Variants in SENP7 observed in about 807,000 individuals in gnomAD.
SENP7 encodes sentrin-specific protease 7.
In SENP7, 64 loss-of-function variants were observed where a neutral mutation model predicts 141.2. The observed-to-expected ratio is 0.45, with a 90% CI of 0.37 to 0.56. The LOEUF (loss-of-function observed/expected upper bound fraction) is 0.56. SENP7 is among the 20% of genes least tolerant of loss of function. The probability of loss-of-function intolerance (pLI) is 0.00; values close to 1 mark genes in which losing one functional copy is unlikely to be tolerated. For synonymous variants in SENP7, 382 were observed against 426.4 expected (o/e 0.90, Z 1.28); for missense variants, 1,025 against 1,212.2 (o/e 0.85, Z 2.29).
In SENP7 at chr3:101,372,027, T is replaced by C; in HGVS notation, c.777A>G (p.Ile259Met). Reference sequence around the variant, plus strand: ...ACAAACCTTCAGGCTGAGTATCAGATATTAAAAGAGAAATGCCATCATCCT... The same window carrying C: ...ACAAACCTTCAGGCTGAGTATCAGACATTAAAAGAGAAATGCCATCATCCT... ...RRKDDGISLL[I>M]SDTQPEDLNS... Residue 259 changes from isoleucine (I) to methionine (M), a missense_variant, in exon 7 of 24, where the codon ATA (isoleucine) becomes ATG (methionine). Ile to Met is a conservative substitution (Grantham distance 10). Around this residue, in one of 4 missense-constraint regions of SENP7, gnomAD observed 496 missense variants for 503.5 expected, o/e 0.99. Transcript: ENST00000394095. 6.5e-7 allele frequency: 1 copy of C among 1,548,162 alleles called. No individual in the cohort carries two copies. Among genetic ancestry groups the C allele is most frequent in the Non-Finnish European group, 8.8e-7 (1 of 1,136,218 alleles).
At chr3:101,428,789 T>C (rs1476607513) in intron 4 of SENP7, among the ~76,000 whole-genome samples, 1 of 152,346 alleles carries the variant, frequency 6.6e-6, no homozygotes, top group Middle Eastern at 3.4e-3. Flanking sequence ...CTGAATGATA[T>C]TGCCTAGGTT....
At chr3:101,355,698 T>C (rs2059723276) in intron 11 of SENP7, among the ~76,000 whole-genome samples, 1 of 151,890 alleles carries the variant, frequency 6.6e-6, no homozygotes, top group African/African-American at 2.4e-5. Flanking sequence ...ATCAGGCCTC[T>C]TTTTTTTGGC....
intron 17 of SENP7, among the ~76,000 whole-genome samples, chr3:101,335,323 T>A (rs1166432416): frequency 6.6e-6 from 1 of 152,174 alleles, no homozygotes; most frequent in South Asian, 2.1e-4. Flanking sequence ...TTCTCAACAC[T>A]AGTAGTTAGA....
rs1263082593 is a variant in SENP7 at position 101,324,495 on chromosome 3, A to AC, written c.*1447dup. The AC allele has an allele frequency of 6.6e-6, 1 of 151,970 alleles. No homozygotes were observed. The highest frequency in any genetic ancestry group is 2.4e-5 in the African/African-American group (1 of 41,408). The allele number at this position is 151,970 out of a possible 1,614,324, so 9.4% of individuals were successfully genotyped here. A position where few individuals can be genotyped will look rare whatever the true frequency, so the allele number is the denominator to read the frequency against. The stretch of plus-strand genomic sequence containing the variant: ...CAAAACAATAGTCACCTTTAAAAGT[A>AC]CCCCCCAACACACACAAATTGGGAA... On this transcript the variant is annotated 3_prime_UTR_variant, in exon 24 of 24. Coordinates refer to ENST00000394095, the MANE Select transcript of SENP7 (RefSeq NM_020654.5).
chr3:101,397,994 T>A (rs2061019483), intron 6 of SENP7, among the ~76,000 whole-genome samples: 1 of 152,220 alleles, frequency 6.6e-6, no homozygotes, highest in Non-Finnish European at 1.5e-5. Context: ...CAACTTCAGA[T>A]CTGCATTTCT....
At chr3:101,335,627 C>T (rs987659926) in intron 17 of SENP7, among the ~76,000 whole-genome samples, 1 of 151,858 alleles carries the variant, frequency 6.6e-6, no homozygotes, top group African/African-American at 2.4e-5. Flanking sequence ...TTTTGAAAAG[C>T]TTACTAATAC....
chr3:101,413,746 T>C (rs1296397729), intron 5 of SENP7, among the ~76,000 whole-genome samples: 1 of 146,326 alleles, frequency 6.8e-6, no homozygotes. Context: ...AGGGGGGGGA[T>C]AGTTTCCAAG....
intron 6 of SENP7, among the ~76,000 whole-genome samples, chr3:101,391,358 A>C (rs78138108): frequency 1.4e-5 from 2 of 142,442 alleles, no homozygotes; most frequent in South Asian, 2.2e-4. Flanking sequence ...AAAAAAAAAA[A>C]CAAGAAAGAA....
rs1465208717 is a variant in SENP7, at chr3:101,374,280, C to T, written c.678-2154G>A. ...CAAAAGGAAGAAGTTGGACAGTTAT[C>T]TAACACCATCTACAAAAATTAACTC... On this transcript the variant is annotated intron_variant, in intron 6 of 23. Coordinates refer to ENST00000394095, the MANE Select transcript of SENP7 (RefSeq NM_020654.5). Among the ~76,000 whole-genome samples the T allele has an allele frequency of 2.6e-5, 4 of 152,128 alleles. No homozygotes were observed. The East Asian group carries it at 7.7e-4, about 29-fold the overall frequency.
intron 5 of SENP7, among the ~76,000 whole-genome samples, chr3:101,414,929 A>G (rs2061567337): frequency 6.6e-6 from 1 of 152,190 alleles, no homozygotes; most frequent in African/African-American, 2.4e-5. Flanking sequence ...AACAGGCCAG[A>G]GCCCTCCAAC....
chr3:101,418,959 C>A (rs1255684400), intron 4 of SENP7, among the ~76,000 whole-genome samples: 22 of 152,140 alleles, frequency 1.4e-4, no homozygotes, highest in Admixed American at 1.4e-3. Flanking sequence ...CAGCTACAAA[C>A]AAAATAGTTG....
At chr3:101,359,873 T>C (rs946113441) in intron 11 of SENP7, among the ~76,000 whole-genome samples, 3 of 151,942 alleles carry the variant, frequency 2.0e-5, no homozygotes, top group Admixed American at 6.6e-5. Context: ...TTGATCTTGG[T>C]TTTTGAGCAT....
chr3:101,414,373 T>C, intron 5 of SENP7: 3 of 845,806 alleles, frequency 3.5e-6, no homozygotes, highest in Non-Finnish European at 6.2e-6. Context: ...GGTGCACCAG[T>C]GCATCAAGCA....
rs2061004399 is a variant in SENP7 at position 101,397,520 on chromosome 3, A to AT, written c.677+1340dup. ...ACTGAATAATGCCACTGAAATTCTC[A>AT]TTTTGGGGGGAAAACTTAGCAAGAG... On this transcript the variant is annotated intron_variant, in intron 6 of 23. Coordinates refer to ENST00000394095, the MANE Select transcript of SENP7 (RefSeq NM_020654.5). Among the ~76,000 whole-genome samples the AT allele has an allele frequency of 3.3e-5, 5 of 152,338 alleles. No homozygotes were observed. The Middle Eastern group carries it at 0.01, about 311-fold the overall frequency.
intron 4 of SENP7, among the ~76,000 whole-genome samples, chr3:101,453,655 G>A (rs1186326712): frequency 1.3e-5 from 2 of 150,030 alleles, no homozygotes; most frequent in African/African-American, 4.9e-5. Context: ...TCATAGGTGG[G>A]AATTGAACAA....
Position 101,365,011 on chromosome 3 carries a change from T to A in SENP7, c.1319-20A>T. ...CAACAACTAAAACGGAAAAGAAAAATGTATTTTTGTTTATTTATTTATTTA... is the reference window on the plus strand; with the variant it reads ...CAACAACTAAAACGGAAAAGAAAAAAGTATTTTTGTTTATTTATTTATTTA... On this transcript the variant is annotated intron_variant, in intron 9 of 23. Transcript: ENST00000394095. 1 of 1,417,708 alleles carries A rather than the reference T, an allele frequency of 7.1e-7. No individual in the cohort carries two copies. 87.8% of individuals were successfully genotyped at this position (1,417,708 alleles called of 1,614,324 possible).
intron 6 of SENP7, among the ~76,000 whole-genome samples, chr3:101,392,842 G>A (rs1050974022): frequency 2.6e-5 from 4 of 152,098 alleles, no homozygotes; most frequent in Non-Finnish European, 5.9e-5. Context: ...AAAATAGCTG[G>A]GTGTGGTGGT....
chr3:101,507,829 C>A (rs1232386726), intron 1 of SENP7, among the ~76,000 whole-genome samples: 1 of 151,276 alleles, frequency 6.6e-6, no homozygotes, highest in African/African-American at 2.4e-5. Flanking sequence ...GGCAGGTGGA[C>A]CATGATATCA....
chr3:101,513,208 GAAAGGAAAAAAAAAAAAA>G, exon 1 of SENP7: 4 of 261,580 alleles, frequency 1.5e-5, no homozygotes, highest in Non-Finnish European at 2.7e-5. Context: ...AGGGGGAGGG[GAAAGGAAAAAAAAAAAAA>G]AAAAAAAAAA....
Sources: allele counts gnomAD v4.1 joint callset (sites outside exome capture counted in the v4.1 genomes callset), GRCh38; gene constraint gnomAD v4.1.1; regional missense constraint gnomAD v4.1.1; transcripts MANE v1.5; gene names NCBI Gene and HGNC (gene_info 2026-07-23, HGNC 2026-07-21).